ACAP2: variants seen among roughly 807,000 people sequenced by gnomAD.
ACAP2 encodes arf-GAP with coiled-coil, ANK repeat and PH domain-containing protein 2.
In ACAP2, 39 loss-of-function variants were observed where a neutral mutation model predicts 115.8. The observed-to-expected ratio is 0.34, with a 90% CI of 0.26 to 0.44. The LOEUF (loss-of-function observed/expected upper bound fraction) is 0.44, where lower values mean the gene tolerates loss of function less well. Among genes scored for constraint, ACAP2 ranks in the 20% least tolerant of loss-of-function variants. The pLI, the probability that ACAP2 is intolerant of heterozygous loss-of-function variation, is 1.00. For missense variants in ACAP2, 662 were observed against 927.6 expected, an observed-to-expected ratio of 0.71 and a Z score of 3.72; for synonymous variants, 289 against 315.8, an observed-to-expected ratio of 0.92 and a Z score of 0.90.
chr3:195,355,325 T>C (rs1201414656), intron 4 of ACAP2, among the ~76,000 whole-genome samples: 2 of 145,496 alleles, frequency 1.4e-5, no homozygotes, highest in Non-Finnish European at 3.0e-5. Flanking sequence ...CTTAAAGCCC[T>C]TCCTCATGGA....
At chr3:195,332,082 C>T (rs1312959153) in intron 8 of ACAP2, among the ~76,000 whole-genome samples, 1 of 148,248 alleles carries the variant, frequency 6.7e-6, no homozygotes, top group Non-Finnish European at 1.5e-5. Flanking sequence ...TGCAGTGAGC[C>T]GAGATCCCGC....
At chr3:195,380,113 A>G (rs973025509) in intron 4 of ACAP2, among the ~76,000 whole-genome samples, 2 of 152,192 alleles carry the variant, frequency 1.3e-5, no homozygotes, top group Non-Finnish European at 2.9e-5. Flanking sequence ...TAGAATTACC[A>G]TATGACCCAG....
intron 1 of ACAP2, among the ~76,000 whole-genome samples, chr3:195,399,354 A>G (rs1268891458): frequency 2.6e-5 from 4 of 152,124 alleles, no homozygotes; most frequent in Non-Finnish European, 5.9e-5. Flanking sequence ...TATTTTTTGT[A>G]GAGACAGGAT....
intron 1 of ACAP2, among the ~76,000 whole-genome samples, chr3:195,397,572 T>C (rs2108783482): frequency 6.6e-6 from 1 of 151,820 alleles, no homozygotes; most frequent in South Asian, 2.1e-4. Flanking sequence ...GTCTCTACAA[T>C]ATCTCTATGT....
intron 4 of ACAP2, among the ~76,000 whole-genome samples, chr3:195,380,331 G>C (rs557603039): frequency 1.2e-4 from 19 of 152,222 alleles, no homozygotes; most frequent in African/African-American, 4.1e-4. Flanking sequence ...AAGATTATAA[G>C]TATTGATATT....
intron 1 of ACAP2, among the ~76,000 whole-genome samples, chr3:195,393,891 G>A (rs1016684109): frequency 5.6e-5 from 8 of 143,776 alleles, no homozygotes; most frequent in Admixed American, 1.4e-4. Context: ...TATTGGGGGG[G>A]GGGGAAGCAA....
chr3:195,338,737 T>C (rs1322460723), intron 6 of ACAP2, among the ~76,000 whole-genome samples: 1 of 152,228 alleles, frequency 6.6e-6, no homozygotes, highest in Non-Finnish European at 1.5e-5. Context: ...CATTTTATTT[T>C]TGTCTGTTAT....
intron 9 of ACAP2, among the ~76,000 whole-genome samples, chr3:195,325,709 CATG>C (rs1313848421): frequency 6.6e-6 from 1 of 151,882 alleles, no homozygotes; most frequent in Non-Finnish European, 1.5e-5. Flanking sequence ...CTACAAATAC[CATG>C]ATATCTCATT....
intron 1 of ACAP2, among the ~76,000 whole-genome samples, chr3:195,438,029 C>CT (rs1343731977): frequency 0.06 from 6,166 of 103,176 alleles, 287 homozygotes; most frequent in African/African-American, 0.13. Flanking sequence ...CAAGAATTTT[C>CT]TTTTTTTTTT....
At chr3:195,391,222 C>A (rs1577402891) in intron 2 of ACAP2, among the ~76,000 whole-genome samples, 1 of 113,572 alleles carries the variant, frequency 8.8e-6, no homozygotes, top group Non-Finnish European at 1.7e-5. Context: ...GAAAAAGCTT[C>A]TCTTTCTTTT....
chr3:195,330,143 T>TA (rs1337736223), intron 8 of ACAP2, among the ~76,000 whole-genome samples: 1 of 152,206 alleles, frequency 6.6e-6, no homozygotes, highest in Admixed American at 6.5e-5. Context: ...TATATCCACT[T>TA]AGACGTCTTA....
chr3:195,442,649 G>T, intron 1 of ACAP2, 146 bp downstream of exon 1: 1 of 810,970 alleles, frequency 1.2e-6, no homozygotes. Context: ...CAGTGCCCTC[G>T]CAGGGTGGGA....
At chr3:195,365,139 G>A (rs976703340) in intron 4 of ACAP2, among the ~76,000 whole-genome samples, 5 of 152,160 alleles carry the variant, frequency 3.3e-5, no homozygotes, top group African/African-American at 1.2e-4. Context: ...CTAGGTGGAG[G>A]GTAGGGGGAC....
At chr3:195,371,954 C>A (rs1360026806) in intron 4 of ACAP2, among the ~76,000 whole-genome samples, 1 of 152,186 alleles carries the variant, frequency 6.6e-6, no homozygotes, top group Non-Finnish European at 1.5e-5. Context: ...CCGGTACGCC[C>A]AGCCCAAAAT....
chr3:195,360,269 A>C (rs1732263859), intron 4 of ACAP2, among the ~76,000 whole-genome samples: 1 of 152,234 alleles, frequency 6.6e-6, no homozygotes, highest in African/African-American at 2.4e-5. Flanking sequence ...AAAAATTTTT[A>C]AGAGACAAAG....
intron 8 of ACAP2, among the ~76,000 whole-genome samples, chr3:195,331,339 CT>C (rs11376042): frequency 7.4e-5 from 11 of 148,916 alleles, no homozygotes; most frequent in Non-Finnish European, 7.5e-5. Flanking sequence ...TTTTCTTTTC[CT>C]TTTTTTTTTG....
chr3:195,290,154 T>G (rs1288036483), intron 20 of ACAP2, among the ~76,000 whole-genome samples: 2 of 152,162 alleles, frequency 1.3e-5, no homozygotes, highest in Non-Finnish European at 2.9e-5. Context: ...GGGGAATCAC[T>G]TGAGGTCAGA....
Position 195,369,571 on chromosome 3 carries a change from A to T in ACAP2, c.285+11438T>A, listed in dbSNP as rs1732979944. The stretch of plus-strand genomic sequence containing the variant: ...TGGATAATGGCTTCCAGCTCCATCC[A>T]TGTTCCTACAGGACATGATCTCATT... On this transcript the variant is annotated intron_variant, in intron 4 of 22. Coordinates refer to ENST00000326793, the MANE Select transcript of ACAP2 (RefSeq NM_012287.6). Among the ~76,000 whole-genome samples the T allele has an allele frequency of 2.0e-5, 3 of 152,188 alleles. No homozygotes were observed. The South Asian group carries it at 6.2e-4, about 31-fold the overall frequency.
rs188298833 is a variant in ACAP2 at position 195,337,087 on chromosome 3, A to G, written c.529-111T>C. ...TTTAATACTTTTCGAAAAAGCAAAT[A>G]AAAACAAAGCTCAAGCTTTTTCATC... On this transcript the variant is annotated intron_variant, in intron 6 of 22. Transcript: ENST00000326793. The G allele has an allele frequency of 9.4e-6, 9 of 954,906 alleles. No homozygotes were observed. The Middle Eastern group carries it at 7.3e-4, about 78-fold the overall frequency. 59.2% of individuals were successfully genotyped at this position (954,906 alleles called of 1,614,324 possible).
Sources: allele counts gnomAD v4.1 joint callset (sites outside exome capture counted in the v4.1 genomes callset), GRCh38; gene constraint gnomAD v4.1.1; transcripts MANE v1.5; gene names NCBI Gene and HGNC (gene_info 2026-07-23, HGNC 2026-07-21).